Variants in NAALADL2 observed in about 807,000 individuals in gnomAD.
NAALADL2 encodes N-acetylated alpha-linked acidic dipeptidase like 2, also known as inactive N-acetylated-alpha-linked acidic dipeptidase-like protein 2.
NAALADL2 carries 76 observed loss-of-function variants against 87.2 expected under a neutral mutation model. That is an observed-to-expected ratio of 0.87 (90% CI 0.72 to 1.05). NAALADL2 has a LOEUF of 1.05. NAALADL2 is among the 50% of genes least tolerant of loss of function. NAALADL2 has a pLI of 0.00. For synonymous variants in NAALADL2, 354 were observed against 331.0 expected, an observed-to-expected ratio of 1.07 and a Z score of -0.75; for missense variants, 1,089 against 945.8, an observed-to-expected ratio of 1.15 and a Z score of -1.99.
intron 5 of NAALADL2, among the ~76,000 whole-genome samples, chr3:175,416,677 G>GAAC (rs1204704611): frequency 6.6e-6 from 1 of 152,024 alleles, no homozygotes; most frequent in Non-Finnish European, 1.5e-5. Context: ...TAAAATTCAA[G>GAAC]AACAAAGTTT....
chr3:175,387,084 C>T (rs1044277973), intron 5 of NAALADL2, among the ~76,000 whole-genome samples: 1 of 152,016 alleles, frequency 6.6e-6, no homozygotes, highest in African/African-American at 2.4e-5. Flanking sequence ...TTTTTTACTA[C>T]TTTTGCTTTG....
At chr3:175,258,324 C>CAAAAAAAA (rs1287997792) in intron 4 of NAALADL2, among the ~76,000 whole-genome samples, 3 of 100,742 alleles carry the variant, frequency 3.0e-5, no homozygotes, top group African/African-American at 7.2e-5. Flanking sequence ...CCCCCACCAC[C>CAAAAAAAA]AAAAAAAAAA....
intron 3 of NAALADL2, among the ~76,000 whole-genome samples, chr3:174,753,333 C>T (rs1711521757): frequency 6.6e-6 from 1 of 151,948 alleles, no homozygotes; most frequent in South Asian, 2.1e-4. Context: ...GCCTTGGCCT[C>T]CCAAAGTGCT....
chr3:175,717,755 G>A (rs1741530679), intron 11 of NAALADL2, among the ~76,000 whole-genome samples: 1 of 148,558 alleles, frequency 6.7e-6, no homozygotes, highest in South Asian at 2.1e-4. Flanking sequence ...CCTTGAAGGA[G>A]ATGATTGAAG....
At chr3:174,681,575 G>T (rs979330925) in intron 2 of NAALADL2, among the ~76,000 whole-genome samples, 3 of 152,088 alleles carry the variant, frequency 2.0e-5, no homozygotes, top group Non-Finnish European at 2.9e-5. Context: ...GACATTTCTG[G>T]ACACACACTG....
intron 10 of NAALADL2, among the ~76,000 whole-genome samples, chr3:175,606,184 G>A (rs1175597652): frequency 6.6e-6 from 1 of 152,172 alleles, no homozygotes; most frequent in Admixed American, 6.5e-5. Flanking sequence ...AAGTATTTAA[G>A]TCTGAGGAAA....
At chr3:174,762,602 T>C (rs1344977337) in intron 3 of NAALADL2, among the ~76,000 whole-genome samples, 3 of 151,956 alleles carry the variant, frequency 2.0e-5, no homozygotes, top group African/African-American at 7.3e-5. Context: ...GAAAAAAATA[T>C]TGAAATACTT....
intron 9 of NAALADL2, among the ~76,000 whole-genome samples, chr3:175,480,147 T>G (rs926289961): frequency 6.6e-6 from 1 of 151,806 alleles, no homozygotes; most frequent in Admixed American, 6.6e-5. Flanking sequence ...TATTTCTAGG[T>G]GCCTCTGGTT....
At chr3:175,525,673 A>G (rs1733298431) in intron 9 of NAALADL2, among the ~76,000 whole-genome samples, 1 of 152,150 alleles carries the variant, frequency 6.6e-6, no homozygotes, top group Non-Finnish European at 1.5e-5. Context: ...TTGTGCCTTC[A>G]TTTGTGCTAA....
At chr3:174,594,548 C>T (rs1375967478) in intron 2 of NAALADL2, among the ~76,000 whole-genome samples, 1 of 152,098 alleles carries the variant, frequency 6.6e-6, no homozygotes, top group Non-Finnish European at 1.5e-5. Flanking sequence ...TATCCAGTGC[C>T]CAATTTTCCT....
intron 2 of NAALADL2, among the ~76,000 whole-genome samples, chr3:174,567,728 T>C (rs1714450606): frequency 6.6e-6 from 1 of 151,686 alleles, no homozygotes; most frequent in South Asian, 2.1e-4. Flanking sequence ...TTTTGTCATT[T>C]ATAAGATGAA....
At chr3:175,779,184 T>TG (rs761322934) in intron 13 of NAALADL2, among the ~76,000 whole-genome samples, 1 of 152,200 alleles carries the variant, frequency 6.6e-6, no homozygotes, top group Non-Finnish European at 1.5e-5. Flanking sequence ...AAGCATGTCT[T>TG]TCACATAGGA....
intron 2 of NAALADL2, among the ~76,000 whole-genome samples, chr3:175,169,745 C>T (rs1734524160): frequency 6.6e-6 from 1 of 151,716 alleles, no homozygotes; most frequent in Admixed American, 6.6e-5. Context: ...TAGGTTCAAC[C>T]AGACTTTGAT....
intron 2 of NAALADL2, among the ~76,000 whole-genome samples, chr3:175,105,511 AT>A (rs2108449858): frequency 2.0e-5 from 3 of 149,894 alleles, no homozygotes; most frequent in African/African-American, 7.3e-5. Context: ...ATATTTATAT[AT>A]AAATTCATAT....
intron 3 of NAALADL2, among the ~76,000 whole-genome samples, chr3:174,822,355 C>G (rs1721522892): frequency 6.6e-6 from 1 of 151,990 alleles, no homozygotes; most frequent in African/African-American, 2.4e-5. Flanking sequence ...TTTTTCTTCT[C>G]TAGAAAAGCT....
At chr3:174,993,283 T>C (rs1469261112) in intron 1 of NAALADL2, among the ~76,000 whole-genome samples, 1 of 152,088 alleles carries the variant, frequency 6.6e-6, no homozygotes, top group African/African-American at 2.4e-5. Flanking sequence ...TGAGGATTTA[T>C]AATTGGAAAC....
chr3:175,299,816 A>G (rs770128841), intron 4 of NAALADL2, among the ~76,000 whole-genome samples: 4 of 152,168 alleles, frequency 2.6e-5, no homozygotes, highest in Non-Finnish European at 5.9e-5. Flanking sequence ...AGAACTTCCA[A>G]TACTATGTTG....
chr3:174,477,082 T>C (rs963934729), intron 1 of NAALADL2, among the ~76,000 whole-genome samples: 2 of 151,528 alleles, frequency 1.3e-5, no homozygotes, highest in Non-Finnish European at 3.0e-5. Context: ...GGGCAACAAG[T>C]GTGAAACTCT....
At chr3:174,669,747 T>C (rs1286777920) in intron 2 of NAALADL2, among the ~76,000 whole-genome samples, 1 of 152,118 alleles carries the variant, frequency 6.6e-6, no homozygotes, top group Non-Finnish European at 1.5e-5. Context: ...ATATGAATTG[T>C]AGGATTTTTT....
Sources: allele counts gnomAD v4.1 joint callset (sites outside exome capture counted in the v4.1 genomes callset), GRCh38; gene constraint gnomAD v4.1.1; transcripts MANE v1.5; gene names NCBI Gene and HGNC (gene_info 2026-07-23, HGNC 2026-07-21).